The following PAQR5 variants were observed in gnomAD, a reference collection of about 807,000 sequenced individuals.
PAQR5 encodes progestin and adipoQ receptor family member 5.
PAQR5 carries 20 observed loss-of-function variants against 34.5 expected under a neutral mutation model. The observed-to-expected ratio is 0.58, with a 90% CI of 0.41 to 0.84. PAQR5 has a LOEUF of 0.84. PAQR5 is among the 40% of genes least tolerant of loss of function. The probability of loss-of-function intolerance (pLI) is 0.00; values close to 1 mark genes in which losing one functional copy is unlikely to be tolerated. For synonymous variants in PAQR5, 131 were observed against 155.6 expected (o/e 0.84, Z 1.18); for missense variants, 378 against 412.7 (o/e 0.92, Z 0.73).
At chr15:69,399,694 C>G (rs2056564385) in intron 7 of PAQR5, among the ~76,000 whole-genome samples, 1 of 152,204 alleles carries the variant, frequency 6.6e-6, no homozygotes, top group Non-Finnish European at 1.5e-5. Flanking sequence ...AGTAAATAAA[C>G]CAAAAGACTC....
chr15:69,345,517 A>G (rs1001418206), intron 2 of PAQR5, among the ~76,000 whole-genome samples: 1 of 152,088 alleles, frequency 6.6e-6, no homozygotes, highest in Non-Finnish European at 1.5e-5. Flanking sequence ...CCAAGTGCAA[A>G]TTTCACCTCT....
chr15:69,378,302 T>C (rs1187348671), intron 3 of PAQR5, among the ~76,000 whole-genome samples: 1 of 130,392 alleles, frequency 7.7e-6, no homozygotes, highest in Non-Finnish European at 1.6e-5. Flanking sequence ...TAGCTGACCA[T>C]GGTGGCACTC....
chr15:69,304,156 C>A (rs913720132), intron 1 of PAQR5, among the ~76,000 whole-genome samples: 2 of 151,824 alleles, frequency 1.3e-5, no homozygotes, highest in African/African-American at 4.8e-5. Context: ...CCCTTCCCTA[C>A]CCCCCCATCC....
At chr15:69,347,858 A>G (rs1371310563) in intron 2 of PAQR5, among the ~76,000 whole-genome samples, 1 of 152,108 alleles carries the variant, frequency 6.6e-6, no homozygotes, top group African/African-American at 2.4e-5. Context: ...TGACCTAACT[A>G]CTTCCCAAAG....
Position 69,407,496 on chromosome 15 carries a change from T to C in PAQR5, c.*3674T>C, listed in dbSNP as rs2056761772. The C allele has an allele frequency of 6.6e-6, 1 of 152,214 alleles. No homozygotes were observed. The highest frequency in any genetic ancestry group is 2.4e-5 in the African/African-American group (1 of 41,458). 9.4% of individuals were successfully genotyped at this position (152,214 alleles called of 1,614,324 possible). ...CAACAACACTTCAAAACATATTATT[T>C]GAATTTCGGCCTCTGATTTTCTAGT... On this transcript the variant is annotated 3_prime_UTR_variant, in exon 9 of 9. Transcript: ENST00000395407.
chr15:69,328,810 C>T (rs991468552), intron 1 of PAQR5, among the ~76,000 whole-genome samples: 2 of 152,212 alleles, frequency 1.3e-5, no homozygotes, highest in East Asian at 3.9e-4. Context: ...GGCTGGTTGC[C>T]TTGGGTGCGG....
chr15:69,378,209 G>A (rs906105660), intron 3 of PAQR5, among the ~76,000 whole-genome samples: 2 of 139,468 alleles, frequency 1.4e-5, no homozygotes, highest in East Asian at 4.4e-4. Context: ...AGGTTTCAGT[G>A]AGCCAAGATA....
intron 1 of PAQR5, among the ~76,000 whole-genome samples, chr15:69,324,170 C>T (rs1416934886): frequency 1.3e-5 from 2 of 150,484 alleles, no homozygotes; most frequent in African/African-American, 4.9e-5. Context: ...GCTCAGTACA[C>T]TCAGAGTCCT....
At chr15:69,322,757 A>C (rs1315908477) in intron 1 of PAQR5, among the ~76,000 whole-genome samples, 4 of 28,372 alleles carry the variant, frequency 1.4e-4, no homozygotes, top group Non-Finnish European at 2.4e-4. Flanking sequence ...AAGAAGAAGA[A>C]GAAGAAGAAG....
chr15:69,390,349 TTTA>T (rs201514774), intron 6 of PAQR5, among the ~76,000 whole-genome samples: 1 of 83,252 alleles, frequency 1.2e-5, no homozygotes, highest in Non-Finnish European at 3.1e-5. Flanking sequence ...TATTTATTTA[TTTA>T]TTTATTTATT....
rs2053510875 is a variant in PAQR5 at position 69,300,565 on chromosome 15, T to G, written c.-277+1509T>G. 1.3e-5 allele frequency among the ~76,000 whole-genome samples: 2 copies of G among 150,240 alleles called. 1 individual carries two copies. ...CATCCTTAATCCCGTATGCTTTTCT[T>G]TCTTTCTCTTTCTTTCTTTCTTTCC... On this transcript the variant is annotated intron_variant, in intron 1 of 8. Transcript: ENST00000395407.
At chr15:69,340,963 T>C (rs941086763) in intron 2 of PAQR5, among the ~76,000 whole-genome samples, 1 of 152,222 alleles carries the variant, frequency 6.6e-6, no homozygotes, top group African/African-American at 2.4e-5. Context: ...TGGAGCAGAC[T>C]ACAAAAAGCA....
intron 1 of PAQR5, among the ~76,000 whole-genome samples, chr15:69,327,369 C>T (rs1287410615): frequency 6.6e-6 from 1 of 152,050 alleles, no homozygotes; most frequent in East Asian, 1.9e-4. Flanking sequence ...TGTGCCCCTC[C>T]TTCTCATTGT....
At chr15:69,367,222 T>C (rs931175201) in intron 3 of PAQR5, among the ~76,000 whole-genome samples, 10 of 152,240 alleles carry the variant, frequency 6.6e-5, no homozygotes, top group Non-Finnish European at 1.3e-4. Flanking sequence ...TTTTCTCTAT[T>C]TGTTCCTTGT....
chr15:69,301,795 CAT>C (rs1475846308), intron 1 of PAQR5, among the ~76,000 whole-genome samples: 1 of 140,576 alleles, frequency 7.1e-6, no homozygotes, highest in Non-Finnish European at 1.5e-5. Context: ...GTTTACAAGA[CAT>C]GTTTTCAAAA....
intron 3 of PAQR5, among the ~76,000 whole-genome samples, chr15:69,361,274 T>A (rs2055224706): frequency 6.6e-6 from 1 of 152,240 alleles, no homozygotes; most frequent in Non-Finnish European, 1.5e-5. Flanking sequence ...TTGTATTGAC[T>A]GCCTACTATG....
chr15:69,344,688 A>G lies in PAQR5; in HGVS notation c.-116+7187A>G, dbSNP rs189244011. On this transcript the variant is annotated intron_variant, in intron 2 of 8. Transcript: ENST00000395407. ...CAGCTTTAAAAAGTATAGATTTCAA[A>G]CAACTTTGTTGGCGGTAAGAGTATT... 1.7e-3 allele frequency among the ~76,000 whole-genome samples: 264 copies of G among 152,368 alleles called. 1 individual carries two copies. The highest frequency in any genetic ancestry group is 2.4e-3 in the Non-Finnish European group (162 of 68,038).
chr15:69,307,406 G>A (rs1470544346), intron 1 of PAQR5, among the ~76,000 whole-genome samples: 2 of 152,174 alleles, frequency 1.3e-5, no homozygotes, highest in South Asian at 2.1e-4. Context: ...TAAGGAAGAC[G>A]TGTTTGAATT....
intron 2 of PAQR5, among the ~76,000 whole-genome samples, chr15:69,358,632 C>CTTTTTTT (rs1567019143): frequency 1.5e-4 from 1 of 6,572 alleles, no homozygotes. Flanking sequence ...AGCTCTGTGG[C>CTTTTTTT]ATTTTTTTTT....
Sources: allele counts gnomAD v4.1 joint callset (sites outside exome capture counted in the v4.1 genomes callset), GRCh38; gene constraint gnomAD v4.1.1; transcripts MANE v1.5; gene names NCBI Gene and HGNC (gene_info 2026-07-23, HGNC 2026-07-21).